Variants in PABPC5 observed in about 807,000 individuals in gnomAD.
PABPC5 encodes the protein polyadenylate-binding protein 5.
Under a neutral mutation model 12.6 loss-of-function variants are expected in PABPC5, and 6 were observed. That is an observed-to-expected ratio of 0.48 (90% CI 0.26 to 0.94). PABPC5 has a LOEUF of 0.94. Ranked by LOEUF, PABPC5 falls within the 40% of genes least tolerant of loss-of-function variation. The probability of loss-of-function intolerance (pLI) is 0.14; values close to 1 mark genes in which losing one functional copy is unlikely to be tolerated. For synonymous variants in PABPC5, 124 were observed against 118.4 expected, an observed-to-expected ratio of 1.05 and a Z score of -0.31; for missense variants, 244 against 302.8, an observed-to-expected ratio of 0.81 and a Z score of 1.44.
Position 91,434,899 on chromosome X carries a change from GTACCCA to G in PABPC5, c.-144+6_-144+11del, listed in dbSNP as rs1343577978. On this transcript the variant is annotated splice_donor_region_variant and intron_variant, in intron 1 of 1. Coordinates refer to ENST00000312600, the MANE Select transcript of PABPC5 (RefSeq NM_080832.3). Reference sequence around the variant, plus strand: ...GAAATCACCGCGCCTCACTCGGTCCGTACCCAGTGGGCATCTTGGGTATCTGGGCGG... The same window carrying G: ...GAAATCACCGCGCCTCACTCGGTCCGGTGGGCATCTTGGGTATCTGGGCGG... The G allele has an allele frequency of 9.0e-6, 1 of 111,613 alleles. No individual in the cohort carries two copies. Among genetic ancestry groups the G allele is most frequent in the Admixed American group, 9.5e-5 (1 of 10,501 alleles). The allele number at this position is 111,613 out of a possible 1,213,427, so 9.2% of individuals were successfully genotyped here.
In PABPC5 at chrX:91,436,151, A is replaced by T; in HGVS notation, c.574A>T (p.Thr192Ser). 1 of 1,211,713 alleles carries T rather than the reference A, an allele frequency of 8.3e-7. No individual in the cohort carries two copies. The highest frequency in any genetic ancestry group is 1.1e-6 in the Non-Finnish European group (1 of 895,526). ...FPEERAAEVR[T>S]RDRATFTNVF... ...AGAAGAGCGGGCGGCTGAGGTCAGA[A>T]CCAGGGATAGAGCAACTTTCACCAA... The change falls in exon 2 of 2, where the codon ACC (threonine) becomes TCC (serine). Residue 192 changes from threonine to serine, a missense_variant. Coordinates refer to ENST00000312600, the MANE Select transcript of PABPC5 (RefSeq NM_080832.3).
rs1931598517 is a variant in PABPC5 at position 91,436,125 on chromosome X, C to G, written c.548C>G (p.Pro183Arg). The change falls in exon 2 of 2, where the codon CCA becomes CGA. Residue 183 changes from proline (P) to arginine (R), a missense_variant. Physicochemically the swap from Pro to Arg is moderately radical, Grantham distance 103. Around this residue, in one of 3 missense-constraint regions of PABPC5, gnomAD observed 211 missense variants for 261.5 expected, o/e 0.81. Transcript: ENST00000312600. ...RQVYVGRFKF[P>R]EERAAEVRTR... The stretch of plus-strand genomic sequence containing the variant: ...GTGTATGTTGGCAGATTCAAATTCC[C>G]AGAAGAGCGGGCGGCTGAGGTCAGA... 8.3e-7 allele frequency: 1 copy of G among 1,209,987 alleles called. No homozygotes were observed. Among genetic ancestry groups the G allele is most frequent in the Non-Finnish European group, 1.1e-6 (1 of 895,327 alleles).
chrX:91,435,964 T>C lies in PABPC5; in HGVS notation c.387T>C (p.Phe129=). The change falls in exon 2 of 2, where the codon TTT becomes TTC. Residue 129 remains phenylalanine (F), a synonymous_variant. Coordinates refer to ENST00000312600, the MANE Select transcript of PABPC5 (RefSeq NM_080832.3). ...CCCTGTTTTACTTATTTTCTGCTTT[T>C]GGGAACATTCTGTCCTGCAAAGTCG... ...NRALFYLFSA[F]GNILSCKVVC... The C allele has an allele frequency of 1.7e-6, 2 of 1,211,966 alleles. No individual in the cohort carries two copies. The highest frequency in any genetic ancestry group is 2.2e-6 in the Non-Finnish European group (2 of 895,570).
rs369864267 is a variant in PABPC5 at position 91,436,723 on chromosome X, C to A, written c.1146C>A (p.Cys382Ter). The change falls in exon 2 of 2, where the codon TGC (cysteine) becomes TGA (stop). Residue 382 changes from cysteine to a stop codon, truncating the protein, a stop_gained. Coordinates refer to ENST00000312600, the MANE Select transcript of PABPC5 (RefSeq NM_080832.3). LOFTEE classifies it high-confidence loss of function. ...CCCTGGGCCAGGCCAGGCGCAGGTG[C>A]TGAGAATAAGAATGCTCAGTTTGTT... is the stretch of plus-strand genomic sequence containing the variant. The part of the protein sequence containing the change: ...HVTLGQARRR[C>*] The A allele has an allele frequency of 2.5e-6, 3 of 1,202,922 alleles. No individual in the cohort carries two copies. The highest frequency in any genetic ancestry group is 1.8e-5 in the African/African-American group (1 of 57,090).
chrX:91,436,261 T>A lies in PABPC5; in HGVS notation c.684T>A (p.Val228=). The A allele has an allele frequency of 1.7e-6, 2 of 1,211,417 alleles. No homozygotes were observed. The highest frequency in any genetic ancestry group is 2.2e-6 in the Non-Finnish European group (2 of 895,317). ...LFCEYGPTES[V]KVIRDASGKS... is the part of the protein sequence containing the mutation. ...GTGAATATGGGCCAACTGAGAGTGT[T>A]AAAGTAATAAGAGATGCCAGTGGGA... The change falls in exon 2 of 2, where the codon GTT becomes GTA. Residue 228 remains valine (V), a synonymous_variant. Coordinates refer to ENST00000312600, the MANE Select transcript of PABPC5 (RefSeq NM_080832.3).
chrX:91,438,450 CT>C lies in PABPC5; in HGVS notation c.*1728del, dbSNP rs1931636530. ...ATTAATATTTTCAATGTGTAAATAT[CT>C]TTTCATAATTTTTCCTACGTATACA... On this transcript the variant is annotated 3_prime_UTR_variant, in exon 2 of 2. Transcript: ENST00000312600. The C allele has an allele frequency of 1.6e-5, 2 of 122,312 alleles. No individual in the cohort carries two copies. 10.1% of individuals were successfully genotyped at this position (122,312 alleles called of 1,213,427 possible).
At position 91,435,856 on chromosome X, in the gene PABPC5, G is replaced by C. The variant is rs1159492985; in HGVS notation, c.279G>C (p.Trp93Cys). 8.3e-7 allele frequency: 1 copy of C among 1,211,895 alleles called. No individual in the cohort carries two copies. The highest frequency in any genetic ancestry group is 1.8e-5 in the South Asian group (1 of 57,003). The part of the protein sequence containing the change: ...LINGKPFRLM[W>C]SQPDDRLRKS... ...ATGGAAAACCATTCCGCCTTATGTG[G>C]TCTCAGCCAGATGACCGCTTAAGAA... The change falls in exon 2 of 2, where the codon TGG becomes TGC. Residue 93 changes from tryptophan to cysteine, a missense_variant. By Grantham distance (215) the Trp-to-Cys change is radical. Coordinates refer to ENST00000312600, the MANE Select transcript of PABPC5 (RefSeq NM_080832.3).
Position 91,436,608 on chromosome X carries a change from G to C in PABPC5, c.1031G>C (p.Gly344Ala). ...MMEVGQGKGF[G>A]VVCFSSFEEA... ...GAAGTGGGGCAAGGCAAAGGATTTG[G>C]TGTGGTCTGCTTTTCCTCTTTTGAA... Residue 344 changes from glycine (G) to alanine (A), a missense_variant, in exon 2 of 2, where the codon GGT becomes GCT. By Grantham distance (60) the Gly-to-Ala change is moderately conservative. Transcript: ENST00000312600. 1.7e-6 allele frequency: 2 copies of C among 1,211,942 alleles called. No individual in the cohort carries two copies.
rs1443555830 is a variant in PABPC5 at position 91,436,317 on chromosome X, A to C, written c.740A>C (p.Glu247Ala). The change falls in exon 2 of 2, where the codon GAG becomes GCG. Residue 247 changes from glutamate (E) to alanine (A), a missense_variant. Transcript: ENST00000312600. The stretch of plus-strand genomic sequence containing the variant: ...AAAGGCTTTGGATTTGTGAGATATG[A>C]GACACACGAGGCTGCCCAAAAGGCT... The part of the protein sequence containing the change: ...KSKGFGFVRY[E>A]THEAAQKAVL... 6 of 1,209,959 alleles carry C rather than the reference A, an allele frequency of 5.0e-6. No individual in the cohort carries two copies. Among genetic ancestry groups the C allele is most frequent in the Non-Finnish European group, 6.7e-6 (6 of 895,340 alleles).
At position 91,437,957 on chromosome X, in the gene PABPC5, G is replaced by A. The variant is rs1931629513; in HGVS notation, c.*1231G>A. 1 of 121,179 alleles carries A rather than the reference G, an allele frequency of 8.3e-6. No individual in the cohort carries two copies. Among genetic ancestry groups the A allele is most frequent in the Non-Finnish European group, 1.9e-5 (1 of 52,663 alleles). 10.0% of individuals were successfully genotyped at this position (121,179 alleles called of 1,213,427 possible). On this transcript the variant is annotated 3_prime_UTR_variant, in exon 2 of 2. Transcript: ENST00000312600. ...CTTGCAGTTTCCTGTTCTCCTCATT[G>A]CCTGCCTTCCATTCATATTACACTT... is the stretch of plus-strand genomic sequence containing the variant.
rs374301925 is a variant in PABPC5 at position 91,436,193 on chromosome X, A to G, written c.616A>G (p.Ile206Val). The G allele has an allele frequency of 2.6e-5, 32 of 1,209,917 alleles. No individual in the cohort carries two copies. Among genetic ancestry groups the G allele is most frequent in the Non-Finnish European group, 3.6e-5 (32 of 895,339 alleles). Residue 206 changes from isoleucine to valine, a missense_variant, in exon 2 of 2, where the codon ATT becomes GTT. This residue lies in a region of PABPC5 where 211 missense variants were observed against 261.5 expected (regional missense o/e 0.81). Transcript: ENST00000312600. Reference protein sequence around the residue: ...ATFTNVFVKNIGDDIDDEKLK... With the variant: ...ATFTNVFVKNVGDDIDDEKLK... ...TTTCACCAATGTTTTCGTTAAAAAC[A>G]TTGGAGACGACATAGATGACGAAAA...
chrX:91,436,274 G>A lies in PABPC5; in HGVS notation c.697G>A (p.Asp233Asn), dbSNP rs1350712758. 5 of 1,209,755 alleles carry A rather than the reference G, an allele frequency of 4.1e-6. No homozygotes were observed. The African/African-American group carries it at 8.8e-5, about 21-fold the overall frequency. ...AACTGAGAGTGTTAAAGTAATAAGA[G>A]ATGCCAGTGGGAAATCTAAAGGCTT... ...GPTESVKVIR[D>N]ASGKSKGFGF... The change falls in exon 2 of 2, where the codon GAT becomes AAT. Residue 233 changes from aspartate to asparagine, a missense_variant. This residue lies in a region of PABPC5 where 211 missense variants were observed against 261.5 expected (regional missense o/e 0.81). Coordinates refer to ENST00000312600, the MANE Select transcript of PABPC5 (RefSeq NM_080832.3).
Position 91,437,404 on chromosome X carries a change from G to A in PABPC5, c.*678G>A, listed in dbSNP as rs2147705822. Reference sequence around the variant, plus strand: ...ACTGAGAAAATTAACACTTTAGGCAGTGGCTATTTAAAGTAGGAATTGCAT... The same window carrying A: ...ACTGAGAAAATTAACACTTTAGGCAATGGCTATTTAAAGTAGGAATTGCAT... On this transcript the variant is annotated 3_prime_UTR_variant, in exon 2 of 2. Transcript: ENST00000312600. 1 of 122,777 alleles carries A rather than the reference G, an allele frequency of 8.1e-6. No individual in the cohort carries two copies. Among genetic ancestry groups the A allele is most frequent in the African/African-American group, 3.3e-5 (1 of 30,730 alleles). The allele number at this position is 122,777 out of a possible 1,213,427, so 10.1% of individuals were successfully genotyped here. A position where few individuals can be genotyped will look rare whatever the true frequency, so the allele number is the denominator to read the frequency against.
chrX:91,436,364 T>C lies in PABPC5; in HGVS notation c.787T>C (p.Ser263Pro). ...QKAVLDLHGKSIDGKVLYVGR... is the reference protein window; with the variant it reads ...QKAVLDLHGKPIDGKVLYVGR... ...GGCTGTGCTAGACTTGCATGGAAAG[T>C]CCATCGATGGAAAAGTCCTCTATGT... Residue 263 changes from serine (S) to proline (P), a missense_variant, in exon 2 of 2, where the codon TCC (serine) becomes CCC (proline). Transcript: ENST00000312600. 8.3e-7 allele frequency: 1 copy of C among 1,211,333 alleles called. No individual in the cohort carries two copies. Among genetic ancestry groups the C allele is most frequent in the Non-Finnish European group, 1.1e-6 (1 of 895,442 alleles).
In PABPC5 at chrX:91,437,680, A is replaced by G. The variant is rs1255721600; in HGVS notation, c.*954A>G. ...AAAACTTCTTCGAAGAACACCTTCT[A>G]TTAAACTTGTTATCTCTTGTAAATT... On this transcript the variant is annotated 3_prime_UTR_variant, in exon 2 of 2. Coordinates refer to ENST00000312600, the MANE Select transcript of PABPC5 (RefSeq NM_080832.3). The G allele has an allele frequency of 8.1e-6, 1 of 122,974 alleles. No homozygotes were observed. The highest frequency in any genetic ancestry group is 1.9e-5 in the Non-Finnish European group (1 of 53,118). The allele number at this position is 122,974 out of a possible 1,213,427, so 10.1% of individuals were successfully genotyped here. A position where few individuals can be genotyped will look rare whatever the true frequency, so the allele number is the denominator to read the frequency against.
rs1931582374 is a variant in PABPC5 at position 91,435,513 on chromosome X, C to G, written c.-65C>G. 28 of 1,054,213 alleles carry G rather than the reference C, an allele frequency of 2.7e-5. No individual in the cohort carries two copies. Among genetic ancestry groups the G allele is most frequent in the Non-Finnish European group, 2.9e-5 (23 of 785,712 alleles). 86.9% of individuals were successfully genotyped at this position (1,054,213 alleles called of 1,213,427 possible). The stretch of plus-strand genomic sequence containing the variant: ...TTTCTGTTCGTGAACAGCTGTTTGG[C>G]CCATAGCTTAGAGAAAGCAGCCTTT... On this transcript the variant is annotated 5_prime_UTR_variant, in exon 2 of 2. Transcript: ENST00000312600.
chrX:91,437,007 AATTG>A lies in PABPC5; in HGVS notation c.*287_*290del. On this transcript the variant is annotated 3_prime_UTR_variant, in exon 2 of 2. Coordinates refer to ENST00000312600, the MANE Select transcript of PABPC5 (RefSeq NM_080832.3). ...TTTTCCTGAACAGTCAAGGTGAGGC[AATTG>A]ATTGAGTATATTTCCCTTCTTATTT... The A allele has an allele frequency of 6.8e-6, 2 of 293,518 alleles. No individual in the cohort carries two copies. Among genetic ancestry groups the A allele is most frequent in the Non-Finnish European group, 1.2e-5 (2 of 162,485 alleles). The allele number at this position is 293,518 out of a possible 1,213,427, so 24.2% of individuals were successfully genotyped here.
In PABPC5 at chrX:91,437,945, G is replaced by A. The variant is rs145370175; in HGVS notation, c.*1219G>A. 377 of 120,975 alleles carry A rather than the reference G, an allele frequency of 3.1e-3. 1 individual carries two copies. The highest frequency in any genetic ancestry group is 0.012 in the African/African-American group (359 of 30,299). The allele number at this position is 120,975 out of a possible 1,213,427, so 10.0% of individuals were successfully genotyped here. ...CTCTACATTTCACTTGCAGTTTCCT[G>A]TTCTCCTCATTGCCTGCCTTCCATT... On this transcript the variant is annotated 3_prime_UTR_variant, in exon 2 of 2. Coordinates refer to ENST00000312600, the MANE Select transcript of PABPC5 (RefSeq NM_080832.3).
In PABPC5 at chrX:91,435,744, G is replaced by T. The variant is rs977003045; in HGVS notation, c.167G>T (p.Arg56Leu). 3 of 1,210,956 alleles carry T rather than the reference G, an allele frequency of 2.5e-6. No homozygotes were observed. Among genetic ancestry groups the T allele is most frequent in the Non-Finnish European group, 3.4e-6 (3 of 895,106 alleles). ...CGAATCTGCCGTGATCCGGTGACCC[G>T]CAGCCCCCTGGGCTATGGGTATGTT... ...FTRICRDPVT[R>L]SPLGYGYVNF... Residue 56 changes from arginine to leucine, a missense_variant, in exon 2 of 2, where the codon CGC (arginine) becomes CTC (leucine). Coordinates refer to ENST00000312600, the MANE Select transcript of PABPC5 (RefSeq NM_080832.3).
Sources: gnomAD v4.1 joint callset for allele counts on GRCh38, gnomAD v4.1.1 for gene constraint, gnomAD v4.1.1 regional missense constraint, MANE v1.5 for transcripts, NCBI Gene and HGNC (gene_info 2026-07-23, HGNC 2026-07-21) for gene names.